Variants in CDH12 observed in about 807,000 individuals in gnomAD.
CDH12 encodes the protein cadherin 12.
A neutral mutation model predicts 74.1 loss-of-function variants in CDH12; 41 were observed. That is an observed-to-expected ratio of 0.55 (90% confidence interval 0.43 to 0.72). The LOEUF (loss-of-function observed/expected upper bound fraction) is 0.72. Among genes scored for constraint, CDH12 ranks in the 30% least tolerant of loss-of-function variants. The pLI, the probability that CDH12 is intolerant of heterozygous loss-of-function variation, is 0.00. For synonymous variants in CDH12, 399 were observed against 355.0 expected (o/e 1.12, Z -1.39); for missense variants, 945 against 977.2 (o/e 0.97, Z 0.44).
chr5:22,277,403 C>A (rs890987887), intron 3 of CDH12, among the ~76,000 whole-genome samples: 3 of 152,188 alleles, frequency 2.0e-5, no homozygotes, highest in African/African-American at 7.2e-5. Flanking sequence ...TGGTAGAAAT[C>A]TTTCATCACT....
intron 3 of CDH12, among the ~76,000 whole-genome samples, chr5:22,255,430 T>A (rs1185469043): frequency 6.6e-6 from 1 of 151,834 alleles, no homozygotes; most frequent in African/African-American, 2.4e-5. Context: ...AACATTCATA[T>A]TAAAAATACA....
At chr5:21,790,890 C>T (rs753283357) in intron 10 of CDH12, among the ~76,000 whole-genome samples, 1 of 152,004 alleles carries the variant, frequency 6.6e-6, no homozygotes, top group Non-Finnish European at 1.5e-5. Context: ...CAAACTCGTA[C>T]AGTACAAACC....
At chr5:22,314,581 T>A (rs1738533736) in intron 3 of CDH12, among the ~76,000 whole-genome samples, 1 of 152,132 alleles carries the variant, frequency 6.6e-6, no homozygotes, top group Non-Finnish European at 1.5e-5. Context: ...CTGTGTTGTG[T>A]TATTATGGAA....
At chr5:22,239,247 A>T (rs766601720) in intron 3 of CDH12, among the ~76,000 whole-genome samples, 13 of 152,168 alleles carry the variant, frequency 8.5e-5, no homozygotes, top group Non-Finnish European at 1.6e-4. Flanking sequence ...AACTCCAGGG[A>T]AATTTCCCCA....
At chr5:22,228,030 A>G (rs915302227) in intron 3 of CDH12, among the ~76,000 whole-genome samples, 1 of 152,160 alleles carries the variant, frequency 6.6e-6, no homozygotes, top group Non-Finnish European at 1.5e-5. Flanking sequence ...AATAACTGCA[A>G]ACTTGGGATA....
At chr5:22,574,553 A>G (rs1739689980) in intron 1 of CDH12, among the ~76,000 whole-genome samples, 1 of 152,132 alleles carries the variant, frequency 6.6e-6, no homozygotes, top group African/African-American at 2.4e-5. Flanking sequence ...AGGCTCTCTT[A>G]ATTATGTAAT....
rs1208832724 is a variant in CDH12 at position 22,153,858 on chromosome 5, GTA to G, written c.-187+58638_-187+58639del. 3.6e-3 allele frequency among the ~76,000 whole-genome samples: 375 copies of G among 103,206 alleles called. 3 individuals carry two copies. Among genetic ancestry groups the G allele is most frequent in the African/African-American group, 0.014 (349 of 25,286 alleles). The allele number at this position is 103,206 out of a possible 152,430, so 67.7% of individuals were successfully genotyped here. On this transcript the variant is annotated intron_variant, in intron 4 of 14. Coordinates refer to ENST00000382254, the MANE Select transcript of CDH12 (RefSeq NM_004061.5). ...TATATATATACATATATGTGTGTGT[GTA>G]TATATATATATGTATATATATATAT...
intron 1 of CDH12, among the ~76,000 whole-genome samples, chr5:22,810,114 A>T (rs1428230760): frequency 6.6e-6 from 1 of 152,190 alleles, no homozygotes; most frequent in Non-Finnish European, 1.5e-5. Flanking sequence ...TTCCCAAATC[A>T]TTAGTTTGTA....
intron 1 of CDH12, among the ~76,000 whole-genome samples, chr5:22,678,527 G>A (rs1474356744): frequency 1.3e-5 from 2 of 152,052 alleles, no homozygotes; most frequent in Non-Finnish European, 2.9e-5. Context: ...TTCTCTGAAA[G>A]CATTCAAAAC....
intron 5 of CDH12, among the ~76,000 whole-genome samples, chr5:22,035,212 TG>T (rs1320841166): frequency 5.9e-5 from 9 of 152,244 alleles, no homozygotes; most frequent in African/African-American, 9.6e-5. Flanking sequence ...TCTGGAAAAT[TG>T]GAATGATTTG....
At chr5:22,389,784 A>T (rs879917957) in intron 3 of CDH12, among the ~76,000 whole-genome samples, 3 of 131,724 alleles carry the variant, frequency 2.3e-5, no homozygotes, top group Non-Finnish European at 3.5e-5. Context: ...AGTAGCTGGG[A>T]CTACAGGCGC....
chr5:22,786,360 G>A lies in CDH12; in HGVS notation c.-523+66698C>T, dbSNP rs182773018. Among the ~76,000 whole-genome samples, 576 of 152,314 alleles carry A rather than the reference G, an allele frequency of 3.8e-3. 8 individuals carry two copies. The highest frequency in any genetic ancestry group is 2.8e-3 in the Non-Finnish European group (190 of 68,018). ...ACTGTGTGGGGAAGAAGCTAACACAGAAGACCTGAAGTGGCTACTTTCAAA... is the reference window on the plus strand; with the variant it reads ...ACTGTGTGGGGAAGAAGCTAACACAAAAGACCTGAAGTGGCTACTTTCAAA... On this transcript the variant is annotated intron_variant, in intron 1 of 14. Coordinates refer to ENST00000382254, the MANE Select transcript of CDH12 (RefSeq NM_004061.5).
At chr5:22,258,172 C>T (rs1438416229) in intron 3 of CDH12, among the ~76,000 whole-genome samples, 1 of 151,790 alleles carries the variant, frequency 6.6e-6, no homozygotes, top group Non-Finnish European at 1.5e-5. Flanking sequence ...AATCAGTTGG[C>T]GTAAATTATT....
At chr5:21,974,573 CACA>C (rs1298646884) in intron 6 of CDH12, among the ~76,000 whole-genome samples, 1 of 152,094 alleles carries the variant, frequency 6.6e-6, no homozygotes, top group Non-Finnish European at 1.5e-5. Flanking sequence ...GGCTTGATGG[CACA>C]ACAAGTATGG....
intron 5 of CDH12, among the ~76,000 whole-genome samples, chr5:22,035,612 A>C (rs905546148): frequency 1.3e-5 from 2 of 151,960 alleles, no homozygotes; most frequent in African/African-American, 4.8e-5. Flanking sequence ...ATCAATCATC[A>C]TCAGGTGTCC....
At chr5:22,041,230 A>G (rs1739557424) in intron 5 of CDH12, among the ~76,000 whole-genome samples, 1 of 152,094 alleles carries the variant, frequency 6.6e-6, no homozygotes, top group Admixed American at 6.6e-5. Context: ...TACACTAAAG[A>G]AAATTACAAA....
At chr5:22,754,293 G>A (rs1187484055) in intron 1 of CDH12, among the ~76,000 whole-genome samples, 1 of 152,028 alleles carries the variant, frequency 6.6e-6, no homozygotes, top group Non-Finnish European at 1.5e-5. Context: ...AAACAAAAAC[G>A]AAAACAAAAA....
chr5:22,586,342 G>T (rs1271941631), intron 1 of CDH12, among the ~76,000 whole-genome samples: 1 of 152,022 alleles, frequency 6.6e-6, no homozygotes, highest in African/African-American at 2.4e-5. Context: ...CTGTTGTGGG[G>T]TGGGGGGAGT....
At chr5:21,986,905 C>T (rs902086997) in intron 5 of CDH12, among the ~76,000 whole-genome samples, 14 of 151,938 alleles carry the variant, frequency 9.2e-5, no homozygotes, top group African/African-American at 2.9e-4. Context: ...CACTGATATG[C>T]TATCATGAAA....
Sources: gnomAD v4.1 joint callset for allele counts (sites outside exome capture counted in the v4.1 genomes callset) on GRCh38, gnomAD v4.1.1 for gene constraint, MANE v1.5 for transcripts, NCBI Gene and HGNC (gene_info 2026-07-23, HGNC 2026-07-21) for gene names.